The following REN variants were observed in gnomAD, a reference collection of about 807,000 sequenced individuals.
REN encodes renin, also known as angiotensin-forming enzyme.
A neutral mutation model predicts 48.6 loss-of-function variants in REN; 42 were observed. That is an observed-to-expected ratio of 0.86 (90% CI 0.68 to 1.12). The LOEUF (loss-of-function observed/expected upper bound fraction) is 1.12. Among genes scored for constraint, REN ranks in the 50% most tolerant of loss-of-function variants. The pLI, the probability that REN is intolerant of heterozygous loss-of-function variation, is 0.00. For synonymous variants in REN, 196 were observed against 204.6 expected (o/e 0.96, Z 0.36); for missense variants, 443 against 527.3 (o/e 0.84, Z 1.57).
In REN at chr1:204,156,833, C is replaced by T. The variant is rs771691082; in HGVS notation, c.699-37G>A. 1.9e-6 allele frequency: 3 copies of T among 1,611,718 alleles called. No homozygotes were observed. Among genetic ancestry groups the T allele is most frequent in the East Asian group, 2.2e-5 (1 of 44,898 alleles). On this transcript the variant is annotated intron_variant, in intron 6 of 9. Transcript: ENST00000272190. The surrounding 1 kb of genome is among the most constrained non-coding windows in gnomAD (Gnocchi z 4.2). ...ATCAGAAGCTCTTGGAAACCCATAA[C>T]CTCCAGGACCCAGCAACTCAGGCAA...
intron 1 of REN, 125 bp downstream of exon 1, chr1:204,166,071 G>A: frequency 2.5e-6 from 2 of 801,438 alleles, no homozygotes; most frequent in Non-Finnish European, 4.4e-6. Context: ...CTCTGAACAG[G>A]TCCATACTTC....
At chr1:204,157,521 T>A in intron 5 of REN, 152 bp from the exon 6 acceptor site, 1 of 1,065,154 alleles carries the variant, frequency 9.4e-7, no homozygotes, top group South Asian at 1.3e-5. Flanking sequence ...AGTTACCCAG[T>A]CCATGAGTGA....
intron 4 of REN, among the ~76,000 whole-genome samples, 155 bp from the exon 5 acceptor site, chr1:204,159,750 C>G (rs1368169667): frequency 1.3e-5 from 2 of 152,182 alleles, no homozygotes; most frequent in African/African-American, 4.8e-5. Flanking sequence ...CGCACACACT[C>G]TGTGCCAATA....
rs1475169195 is a variant in REN, at chr1:204,161,287, C to A, written c.373+5G>T. The A allele has an allele frequency of 1.3e-6, 2 of 1,598,400 alleles. No homozygotes were observed. Among genetic ancestry groups the A allele is most frequent in the Admixed American group, 1.7e-5 (1 of 58,724 alleles). ...AGGAGAGGCACTGTGGGTCTTAGGT[C>A]TCACCACAGGCAGTGTAGAGACGGC... On this transcript the variant is annotated splice_donor_5th_base_variant and intron_variant, in intron 3 of 9. Transcript: ENST00000272190.
chr1:204,165,585 C>T (rs1658328953), intron 1 of REN, among the ~76,000 whole-genome samples: 1 of 149,436 alleles, frequency 6.7e-6, no homozygotes, highest in Admixed American at 6.6e-5. Context: ...TGTACCCATG[C>T]CCCGACCCCC....
intron 3 of REN, 50 bp from the exon 4 acceptor site, chr1:204,160,728 G>C: frequency 7.6e-7 from 1 of 1,307,216 alleles, no homozygotes; most frequent in Non-Finnish European, 1.1e-6. Context: ...CCCAGACAGG[G>C]GGACTCAGAG....
intron 4 of REN, 127 bp from the exon 5 acceptor site, chr1:204,159,722 T>C (rs1291670317): frequency 1.3e-6 from 1 of 799,288 alleles, no homozygotes; most frequent in Non-Finnish European, 2.1e-6. Context: ...GGGGTAAGAG[T>C]ATTTCCTCAA....
intron 5 of REN, among the ~76,000 whole-genome samples, chr1:204,158,212 T>A (rs1310219875): frequency 6.6e-6 from 1 of 150,850 alleles, no homozygotes; most frequent in African/African-American, 2.4e-5. Context: ...TCTTGCCATC[T>A]GGCCTTGCCC....
Position 204,166,097 on chromosome 1 carries a change from G to A in REN, c.98+99C>T, listed in dbSNP as rs111571623. 2.4e-3 allele frequency: 2,366 copies of A among 970,318 alleles called. 29 individuals are homozygous for A. In the African/African-American group the frequency reaches 0.03, roughly 12 times the overall value. 60.1% of individuals were successfully genotyped at this position (970,318 alleles called of 1,614,324 possible). ...TCCATACTTCCCTGTCCAGCTGATC[G>A]TAAGGACTGAATGACACCGCATGTG... On this transcript the variant is annotated intron_variant, in intron 1 of 9. Coordinates refer to ENST00000272190, the MANE Select transcript of REN (RefSeq NM_000537.4).
intron 1 of REN, among the ~76,000 whole-genome samples, chr1:204,164,178 G>A (rs1272846924): frequency 6.6e-6 from 1 of 152,164 alleles, no homozygotes; most frequent in Non-Finnish European, 1.5e-5. Context: ...TTATCCTGGA[G>A]TGCAGCTGCT....
At chr1:204,155,568 A>G (rs1658132924) in intron 9 of REN, among the ~76,000 whole-genome samples, 1 of 152,190 alleles carries the variant, frequency 6.6e-6, no homozygotes. Context: ...AGGCATAGTG[A>G]TGCCCAAACA....
chr1:204,156,935 T>G lies in REN; in HGVS notation c.699-139A>C. 1 of 1,107,386 alleles carries G rather than the reference T, an allele frequency of 9.0e-7. No homozygotes were observed. The highest frequency in any genetic ancestry group is 1.4e-6 in the Non-Finnish European group (1 of 737,258). 68.6% of individuals were successfully genotyped at this position (1,107,386 alleles called of 1,614,324 possible). A position where few individuals can be genotyped will look rare whatever the true frequency, so the allele number is the denominator to read the frequency against. On this transcript the variant is annotated intron_variant, in intron 6 of 9. Transcript: ENST00000272190. The surrounding 1 kb of genome is among the most constrained non-coding windows in gnomAD (Gnocchi z 4.2). Reference sequence around the variant, plus strand: ...AGGAATGTGGGACAGACAGCCAGGCTCGGAGCTGTCGTTGGGAAGCATGCA... The same window carrying G: ...AGGAATGTGGGACAGACAGCCAGGCGCGGAGCTGTCGTTGGGAAGCATGCA...
In REN at chr1:204,159,433, G is replaced by A. The variant is rs771085312; in HGVS notation, c.655C>T (p.Leu219=). The A allele has an allele frequency of 6.2e-7, 1 of 1,614,078 alleles. No individual in the cohort carries two copies. Among genetic ancestry groups the A allele is most frequent in the Non-Finnish European group, 8.5e-7 (1 of 1,180,016 alleles). ...IFDNIISQGV[L]KEDVFSFYYN... ...TAGAAAGAGAAGACGTCCTCTTTTA[G>A]CACCCCTTGGGAGATGATGTTGTCG... The change falls in exon 5 of 10, where the codon CTA becomes TTA. Residue 219 remains leucine, a synonymous_variant. Transcript: ENST00000272190.
In REN at chr1:204,166,265, C is replaced by T. The variant is rs1167571128; in HGVS notation, c.29G>A (p.Trp10Ter). Residue 10 changes from tryptophan (W) to a stop codon, truncating the protein, a stop_gained, in exon 1 of 10, where the codon TGG becomes TAG. Transcript: ENST00000272190. LOFTEE classifies it high-confidence loss of function. ...GCCCCAGAGCAGCAGCAGCAGTCCC[C>T]AGCGAGGCATCCTTCTCCATCCATC... MDGWRRMPR[W>*]GLLLLLWGSC... 3.7e-6 allele frequency: 6 copies of T among 1,614,112 alleles called. No homozygotes were observed. The highest frequency in any genetic ancestry group is 3.3e-5 in the Admixed American group (2 of 60,016).
chr1:204,157,872 T>C (rs1195427530), intron 5 of REN, among the ~76,000 whole-genome samples: 2 of 152,212 alleles, frequency 1.3e-5, no homozygotes, highest in African/African-American at 4.8e-5. Flanking sequence ...CATCCCAAGA[T>C]AAAAGAAGAG....
Position 204,155,894 on chromosome 1 carries a change from G to A in REN, c.985C>T (p.Pro329Ser). ...TGGAAAGAGATGTCGGGGAGTGTAG[G>A]GCCCTCGTTACACTTCACGACATAC... ...FDYVVKCNEGPTLPDISFHLG... is the reference protein window; with the variant it reads ...FDYVVKCNEGSTLPDISFHLG... Residue 329 changes from proline (P) to serine (S), a missense_variant, in exon 9 of 10, where the codon CCT becomes TCT. Pro to Ser is a moderately conservative substitution (Grantham distance 74). Transcript: ENST00000272190. 6.2e-7 allele frequency: 1 copy of A among 1,613,986 alleles called. No homozygotes were observed. The highest frequency in any genetic ancestry group is 8.5e-7 in the Non-Finnish European group (1 of 1,179,928).
rs1454425283 is a variant in REN at position 204,154,890 on chromosome 1, T to A, written c.*126A>T. 9.0e-7 allele frequency: 1 copy of A among 1,110,690 alleles called. No individual in the cohort carries two copies. Among genetic ancestry groups the A allele is most frequent in the African/African-American group, 1.5e-5 (1 of 65,310 alleles). 68.8% of individuals were successfully genotyped at this position (1,110,690 alleles called of 1,614,324 possible). A position where few individuals can be genotyped will look rare whatever the true frequency, so the allele number is the denominator to read the frequency against. ...GCTGGTGCAGGGGTCAGGGCACGCA[T>A]CCAGCAGGAGCTCCACATCCAATGT... On this transcript the variant is annotated 3_prime_UTR_variant, in exon 10 of 10. Coordinates refer to ENST00000272190, the MANE Select transcript of REN (RefSeq NM_000537.4).
chr1:204,166,059 C>T, intron 1 of REN, 137 bp downstream of exon 1: 3 of 755,272 alleles, frequency 4.0e-6, no homozygotes, highest in Non-Finnish European at 7.1e-6. Flanking sequence ...GTCACTTGAC[C>T]TCTCTGAACA....
chr1:204,166,240 G>A lies in REN; in HGVS notation c.54C>T (p.Gly18=). The A allele has an allele frequency of 6.2e-7, 1 of 1,614,166 alleles. No homozygotes were observed. The highest frequency in any genetic ancestry group is 8.5e-7 in the Non-Finnish European group (1 of 1,180,012). The change falls in exon 1 of 10, where the codon GGC becomes GGT. Residue 18 remains glycine (G), a synonymous_variant. Coordinates refer to ENST00000272190, the MANE Select transcript of REN (RefSeq NM_000537.4). ...PRWGLLLLLW[G]SCTFGLPTDT... ...CTGTCGGGAGACCAAAGGTACAGGA[G>A]CCCCAGAGCAGCAGCAGCAGTCCCC...
Sources: allele counts gnomAD v4.1 joint callset (sites outside exome capture counted in the v4.1 genomes callset), GRCh38; gene constraint gnomAD v4.1.1; non-coding constraint Gnocchi (gnomAD v3.1); transcripts MANE v1.5; gene names NCBI Gene and HGNC (gene_info 2026-07-23, HGNC 2026-07-21).